Variants in LARP1 observed in about 807,000 individuals in gnomAD.
The protein encoded by LARP1 is la-related protein 1.
LARP1 carries 36 observed loss-of-function variants against 122.7 expected under a neutral mutation model. The ratio of observed to expected loss-of-function variants is 0.29; its 90% CI spans 0.22 to 0.39. The LOEUF is 0.39. LARP1 is among the 10% of genes least tolerant of loss of function. LARP1 has a pLI of 1.00. For synonymous variants in LARP1, 539 were observed against 528.7 expected, an observed-to-expected ratio of 1.02 and a Z score of -0.27; for missense variants, 1,040 against 1,403.6, an observed-to-expected ratio of 0.74 and a Z score of 4.14.
intron 10 of LARP1, among the ~76,000 whole-genome samples, chr5:154,800,449 G>T (rs1380783532): frequency 1.3e-5 from 2 of 152,156 alleles, no homozygotes; most frequent in African/African-American, 2.4e-5. Context: ...TCAGAAGAAG[G>T]AAGGGAGAGG....
chr5:154,693,574 G>A (rs969981114), intron 1 of LARP1, among the ~76,000 whole-genome samples: 16 of 152,150 alleles, frequency 1.1e-4, no homozygotes, highest in Admixed American at 5.9e-4. Context: ...TTCTTTTCTC[G>A]ACTGGGCGCG....
chr5:154,710,091 T>A (rs1196270010), upstream of LARP1, among the ~76,000 whole-genome samples: 2 of 151,920 alleles, frequency 1.3e-5, no homozygotes, highest in African/African-American at 4.8e-5. Context: ...GTAATGCAAG[T>A]GATGGGGAGC....
rs986433066 is a variant in LARP1, at chr5:154,815,243, C to T, written c.*1147C>T. The T allele has an allele frequency of 1.3e-5, 2 of 152,510 alleles. No homozygotes were observed. The highest frequency in any genetic ancestry group is 2.9e-5 in the Non-Finnish European group (2 of 68,058). The allele number at this position is 152,510 out of a possible 1,614,324, so 9.4% of individuals were successfully genotyped here. On this transcript the variant is annotated 3_prime_UTR_variant, in exon 19 of 19. Coordinates refer to ENST00000518297, the MANE Select transcript of LARP1 (RefSeq NM_033551.3). ...TGTTGCATCGTTTGAAGCTGACGTC[C>T]TGTGTCTGTACACTGCTGCCACTGT...
chr5:154,787,270 A>G (rs940046523), intron 1 of LARP1, among the ~76,000 whole-genome samples: 2 of 152,208 alleles, frequency 1.3e-5, no homozygotes, highest in South Asian at 2.1e-4. Context: ...GCAGGGGTAG[A>G]AGGAGGAGAA....
intron 8 of LARP1, among the ~76,000 whole-genome samples, chr5:154,796,636 A>C (rs1335329867): frequency 6.6e-6 from 1 of 152,148 alleles, no homozygotes; most frequent in Non-Finnish European, 1.5e-5. Context: ...ATAACATTTC[A>C]TTTGATTGTC....
chr5:154,707,571 A>C (rs1379752683), intron 1 of LARP1, among the ~76,000 whole-genome samples: 2 of 152,240 alleles, frequency 1.3e-5, no homozygotes, highest in Non-Finnish European at 2.9e-5. Flanking sequence ...TTGCTAAAGC[A>C]GCAGTCCTTA....
chr5:154,693,930 A>C (rs1214425345), intron 1 of LARP1, among the ~76,000 whole-genome samples: 2 of 152,044 alleles, frequency 1.3e-5, no homozygotes, highest in Non-Finnish European at 2.9e-5. Context: ...AGCTCCACCT[A>C]TTTTGGCTCC....
intron 1 of LARP1, among the ~76,000 whole-genome samples, chr5:154,776,864 T>C (rs976500189): frequency 6.6e-6 from 1 of 152,232 alleles, no homozygotes. Flanking sequence ...TCACTCAGTT[T>C]AGTAACATTT....
intron 1 of LARP1, among the ~76,000 whole-genome samples, chr5:154,690,704 T>A (rs552417076): frequency 1.3e-5 from 2 of 152,264 alleles, no homozygotes; most frequent in South Asian, 4.1e-4. Flanking sequence ...CCAGGCACGA[T>A]GGGCCCCGCC....
At chr5:154,736,506 C>T in intron 1 of LARP1, among the ~76,000 whole-genome samples, 1 of 151,914 alleles carries the variant, frequency 6.6e-6, no homozygotes, top group East Asian at 1.9e-4. Context: ...GCTTAGATTA[C>T]AAGCTTGAGC....
intron 1 of LARP1, among the ~76,000 whole-genome samples, chr5:154,770,620 GA>G (rs1672093442): frequency 1.3e-5 from 2 of 152,154 alleles, no homozygotes; most frequent in South Asian, 4.1e-4. Flanking sequence ...TCTTGACCCT[GA>G]GTCTGTATGT....
chr5:154,719,974 C>CT (rs1200031409), intron 1 of LARP1, among the ~76,000 whole-genome samples: 2 of 151,866 alleles, frequency 1.3e-5, no homozygotes, highest in Admixed American at 1.3e-4. Context: ...GGTGGATTGC[C>CT]TGACCTCAGG....
intron 1 of LARP1, chr5:154,757,050 G>T (rs1205307167): frequency 6.7e-6 from 1 of 148,642 alleles, no homozygotes; most frequent in Non-Finnish European, 1.5e-5. Context: ...CTCGGCGTTC[G>T]GTGCGGGCCG....
rs77727037 is a variant in LARP1, at chr5:154,789,889, G to T, written c.437-436G>T. ...TACTTTGCCTTCCCAATGATCACTA[G>T]TCCTGGTCTGCTCACATCAAACTTC... On this transcript the variant is annotated intron_variant, in intron 1 of 18. Coordinates refer to ENST00000518297, the MANE Select transcript of LARP1 (RefSeq NM_033551.3). Among the ~76,000 whole-genome samples the T allele has an allele frequency of 8.3e-3, 1,260 of 152,268 alleles. 23 individuals are homozygous for T. Among genetic ancestry groups the T allele is most frequent in the African/African-American group, 0.029 (1,217 of 41,536 alleles).
intron 1 of LARP1, among the ~76,000 whole-genome samples, chr5:154,766,743 G>A (rs369409933): frequency 1.3e-5 from 2 of 152,232 alleles, no homozygotes; most frequent in East Asian, 3.9e-4. Flanking sequence ...GCTGAGAACA[G>A]TGGGTTTGCA....
At position 154,793,806 on chromosome 5, in the gene LARP1, A is replaced by C. The variant is rs1241905333; in HGVS notation, c.875A>C (p.Glu292Ala). The change falls in exon 6 of 19, where the codon GAG becomes GCG. Residue 292 changes from glutamate to alanine, a missense_variant. Physicochemically the swap from Glu to Ala is moderately radical, Grantham distance 107. Around this residue, in one of 8 missense-constraint regions of LARP1, gnomAD observed 178 missense variants for 178.3 expected, o/e 1.00. Coordinates refer to ENST00000518297, the MANE Select transcript of LARP1 (RefSeq NM_033551.3). ...PANRGEIKGS[E>A]SATYVPVAPP... Reference sequence around the variant, plus strand: ...GGTACCCCTCTCCCCATAGGGTCTGAGTCTGCCACCTACGTGCCCGTGGCC... The same window carrying C: ...GGTACCCCTCTCCCCATAGGGTCTGCGTCTGCCACCTACGTGCCCGTGGCC... 4 of 1,614,102 alleles carry C rather than the reference A, an allele frequency of 2.5e-6. No individual in the cohort carries two copies. The highest frequency in any genetic ancestry group is 3.4e-6 in the Non-Finnish European group (4 of 1,180,010).
chr5:154,795,517 A>T (rs1757678520), intron 8 of LARP1, among the ~76,000 whole-genome samples, 198 bp downstream of exon 8: 1 of 152,092 alleles, frequency 6.6e-6, no homozygotes, highest in African/African-American at 2.4e-5. Flanking sequence ...AATGTCAGAC[A>T]CTTAACAAAA....
At chr5:154,804,628 C>A in intron 14 of LARP1, 1 of 395,014 alleles carries the variant, frequency 2.5e-6, no homozygotes, top group Non-Finnish European at 4.8e-6. Context: ...AAACAGATTT[C>A]TGGCAGTCTC....
intron 1 of LARP1, among the ~76,000 whole-genome samples, chr5:154,696,484 T>C (rs1015410860): frequency 6.6e-6 from 1 of 152,220 alleles, no homozygotes; most frequent in Non-Finnish European, 1.5e-5. Context: ...AAAATGATAA[T>C]GGGAAATGTT....
Sources: gnomAD v4.1 joint callset for allele counts (sites outside exome capture counted in the v4.1 genomes callset) on GRCh38, gnomAD v4.1.1 for gene constraint, gnomAD v4.1.1 regional missense constraint, MANE v1.5 for transcripts, NCBI Gene and HGNC (gene_info 2026-07-23, HGNC 2026-07-21) for gene names.